Variants in LRRC49 observed in about 807,000 individuals in gnomAD.
LRRC49 encodes leucine-rich repeat-containing protein 49.
Under a neutral mutation model 83.3 loss-of-function variants are expected in LRRC49, and 50 were observed. The ratio of observed to expected loss-of-function variants is 0.60; its 90% CI spans 0.48 to 0.76. LRRC49 has a LOEUF of 0.76. Ranked by LOEUF, LRRC49 falls within the 30% of genes least tolerant of loss-of-function variation. LRRC49 has a pLI of 0.00. For synonymous variants in LRRC49, 286 were observed against 283.3 expected (o/e 1.01, Z -0.10); for missense variants, 704 against 809.1 (o/e 0.87, Z 1.58).
rs190695792 is a variant in LRRC49, at chr15:71,026,897, G to A, written c.1704-10282G>A. Among the ~76,000 whole-genome samples the A allele has an allele frequency of 6.5e-3, 992 of 152,168 alleles. 5 individuals carry two copies. Among genetic ancestry groups the A allele is most frequent in the Non-Finnish European group, 0.011 (761 of 68,006 alleles). ...TTTTCTCCCATTCTGTAGGTTGCCT[G>A]TTCACTCTGATGATAGTTTCTTTTG... On this transcript the variant is annotated intron_variant, in intron 14 of 15. Coordinates refer to ENST00000260382, the MANE Select transcript of LRRC49 (RefSeq NM_017691.5).
At position 71,050,012 on chromosome 15, in the gene LRRC49, T is replaced by G. The variant is rs182770365; in HGVS notation, c.*400T>G. On this transcript the variant is annotated 3_prime_UTR_variant, in exon 16 of 16. Transcript: ENST00000260382. The stretch of plus-strand genomic sequence containing the variant: ...TTCCCTTTTTATTTTATGTCATGAT[T>G]TCAAAGCCAAAAATATGTTCTTTTT... 6.4e-6 allele frequency: 1 copy of G among 157,472 alleles called. No individual in the cohort carries two copies. Among genetic ancestry groups the G allele is most frequent in the East Asian group, 1.9e-4 (1 of 5,324 alleles). 9.8% of individuals were successfully genotyped at this position (157,472 alleles called of 1,614,324 possible). A position where few individuals can be genotyped will look rare whatever the true frequency, so the allele number is the denominator to read the frequency against.
chr15:70,863,790 T>C (rs568384509), intron 1 of LRRC49, among the ~76,000 whole-genome samples: 85 of 152,342 alleles, frequency 5.6e-4, no homozygotes, highest in African/African-American at 2.0e-3. Flanking sequence ...AGGGGGACTG[T>C]ACATGAAAAC....
chr15:70,957,109 T>C (rs180735948), intron 8 of LRRC49, among the ~76,000 whole-genome samples: 28 of 152,358 alleles, frequency 1.8e-4, no homozygotes, highest in Non-Finnish European at 3.5e-4. Context: ...CTGTTTAGTT[T>C]TGTGTGTGAC....
At chr15:70,964,625 T>G (rs2036729322) in intron 9 of LRRC49, among the ~76,000 whole-genome samples, 1 of 152,140 alleles carries the variant, frequency 6.6e-6, no homozygotes, top group South Asian at 2.1e-4. Context: ...ATCCCCCTCT[T>G]TTTAGGTGTA....
Position 70,900,800 on chromosome 15 carries a change from T to C in LRRC49, c.194-122T>C, listed in dbSNP as rs1040674937. The C allele has an allele frequency of 2.2e-5, 14 of 650,022 alleles. No homozygotes were observed. The East Asian group carries it at 2.8e-4, about 13-fold the overall frequency. 40.3% of individuals were successfully genotyped at this position (650,022 alleles called of 1,614,324 possible). ...AATTAATTTCAAATATGGAGAGCTA[T>C]GGAAACTATACTTTCTAGATAAGAT... On this transcript the variant is annotated intron_variant, in intron 3 of 15. Coordinates refer to ENST00000260382, the MANE Select transcript of LRRC49 (RefSeq NM_017691.5).
At chr15:70,856,672 A>C (rs1026326566) in intron 1 of LRRC49, among the ~76,000 whole-genome samples, 1 of 152,240 alleles carries the variant, frequency 6.6e-6, no homozygotes. Flanking sequence ...CCTCATTTGC[A>C]CTAGGGGTAT....
At chr15:70,990,256 G>A (rs1328436601) in intron 11 of LRRC49, among the ~76,000 whole-genome samples, 2 of 152,184 alleles carry the variant, frequency 1.3e-5, no homozygotes, top group African/African-American at 2.4e-5. Flanking sequence ...ACAGAGGCAG[G>A]CAGGCCTCCT....
chr15:70,987,656 G>A (rs1284444462), intron 11 of LRRC49, among the ~76,000 whole-genome samples: 1 of 152,094 alleles, frequency 6.6e-6, no homozygotes, highest in Non-Finnish European at 1.5e-5. Context: ...TCTGATTTTA[G>A]TTATTTCTTG....
At position 70,918,037 on chromosome 15, in the gene LRRC49, G is replaced by A. The variant is rs146190584; in HGVS notation, c.568-1013G>A. 6.6e-5 allele frequency among the ~76,000 whole-genome samples: 10 copies of A among 152,318 alleles called. No individual in the cohort carries two copies. The East Asian group carries it at 9.6e-4, about 15-fold the overall frequency. On this transcript the variant is annotated intron_variant, in intron 6 of 15. Transcript: ENST00000260382. ...CGGTTCCTCGCATATCCAAGCTTCCGAGTGCCACTGTGTTCTCAGTGCCAG... is the reference window on the plus strand; with the variant it reads ...CGGTTCCTCGCATATCCAAGCTTCCAAGTGCCACTGTGTTCTCAGTGCCAG...
rs1179561351 is a variant in LRRC49, at chr15:70,908,005, T to A, written c.500+3250T>A. On this transcript the variant is annotated intron_variant, in intron 5 of 15. Coordinates refer to ENST00000260382, the MANE Select transcript of LRRC49 (RefSeq NM_017691.5). ...CTTTAGAATTGGGTAAGTTTTTAGGTCATTTCAGGTGTTGGGGGGTGGAAA... is the reference window on the plus strand; with the variant it reads ...CTTTAGAATTGGGTAAGTTTTTAGGACATTTCAGGTGTTGGGGGGTGGAAA... 6.6e-6 allele frequency: 3 copies of A among 455,878 alleles called. No homozygotes were observed. In the Admixed American group the frequency reaches 7.1e-5, roughly 11 times the overall value. The allele number at this position is 455,878 out of a possible 1,614,324, so 28.2% of individuals were successfully genotyped here.
chr15:70,971,162 A>G (rs193027787), intron 9 of LRRC49, among the ~76,000 whole-genome samples: 113 of 152,166 alleles, frequency 7.4e-4, no homozygotes, highest in African/African-American at 2.6e-3. Context: ...TAGCACCCAG[A>G]GATTCTGGTA....
intron 11 of LRRC49, among the ~76,000 whole-genome samples, chr15:70,986,238 T>G (rs1479002616): frequency 6.6e-6 from 1 of 152,204 alleles, no homozygotes; most frequent in Non-Finnish European, 1.5e-5. Flanking sequence ...ATGGCCATTT[T>G]CATGATATTG....
intron 1 of LRRC49, chr15:70,859,092 A>G (rs907943003): frequency 2.7e-6 from 4 of 1,501,512 alleles, no homozygotes; most frequent in Non-Finnish European, 3.7e-6. Context: ...AGCCTCCTGC[A>G]GCAGCAGAAG....
At chr15:70,995,008 G>C (rs1044520909) in intron 11 of LRRC49, among the ~76,000 whole-genome samples, 2 of 152,198 alleles carry the variant, frequency 1.3e-5, no homozygotes, top group African/African-American at 4.8e-5. Flanking sequence ...TGAAATTATA[G>C]CAACTTTAGC....
At chr15:70,901,097 G>T in intron 4 of LRRC49, 73 bp downstream of exon 4, 2 of 807,502 alleles carry the variant, frequency 2.5e-6, no homozygotes, top group Non-Finnish European at 4.0e-6. Context: ...CTTGAAAGAT[G>T]CAAGTCTCCC....
chr15:70,937,222 G>T (rs1206752248), intron 8 of LRRC49, among the ~76,000 whole-genome samples: 1 of 152,150 alleles, frequency 6.6e-6, no homozygotes, highest in Admixed American at 6.5e-5. Flanking sequence ...GGCTATATTT[G>T]TCACTGAGCC....
chr15:70,872,052 A>C (rs947291873), intron 1 of LRRC49, among the ~76,000 whole-genome samples: 19 of 152,258 alleles, frequency 1.2e-4, no homozygotes, highest in African/African-American at 4.6e-4. Flanking sequence ...GGCGGCTGGG[A>C]GGTGGAGGTT....
chr15:71,028,118 C>A (rs1488785379), intron 14 of LRRC49, among the ~76,000 whole-genome samples: 1 of 152,166 alleles, frequency 6.6e-6, no homozygotes, highest in Admixed American at 6.5e-5. Flanking sequence ...AGATATGTTC[C>A]ATCAATAACC....
chr15:70,894,958 T>C (rs1014242638), intron 2 of LRRC49, among the ~76,000 whole-genome samples: 15 of 152,258 alleles, frequency 9.9e-5, no homozygotes, highest in African/African-American at 3.4e-4. Context: ...GCTTTCCTAA[T>C]TGATTTCTCT....
Sources: allele counts gnomAD v4.1 joint callset (sites outside exome capture counted in the v4.1 genomes callset), GRCh38; gene constraint gnomAD v4.1.1; transcripts MANE v1.5; gene names NCBI Gene and HGNC (gene_info 2026-07-23, HGNC 2026-07-21).